NCOA7: variants seen among roughly 807,000 people sequenced by gnomAD.
The protein encoded by NCOA7 is nuclear receptor coactivator 7.
Under a neutral mutation model 104.3 loss-of-function variants are expected in NCOA7, and 45 were observed. The observed-to-expected ratio is 0.43, with a 90% confidence interval of 0.34 to 0.55. The LOEUF is 0.55. NCOA7 is among the 20% of genes least tolerant of loss of function. The pLI is 0.02. For missense variants in NCOA7, 1,041 were observed against 1,119.7 expected, an observed-to-expected ratio of 0.93 and a Z score of 1.00; for synonymous variants, 398 against 402.3, an observed-to-expected ratio of 0.99 and a Z score of 0.13.
At chr6:125,909,762 A>T (rs957579084) in intron 10 of NCOA7, among the ~76,000 whole-genome samples, 1 of 152,042 alleles carries the variant, frequency 6.6e-6, no homozygotes, top group African/African-American at 2.4e-5. Flanking sequence ...GTGAGCCGAG[A>T]TCGCACCACT....
At chr6:125,919,136 C>G in intron 11 of NCOA7, 1 of 1,059,392 alleles carries the variant, frequency 9.4e-7, no homozygotes, top group Admixed American at 2.7e-5. Context: ...CACAGCGATG[C>G]CTGGCAGGAA....
At chr6:125,789,174 A>T (rs1774620278), upstream of NCOA7, among the ~76,000 whole-genome samples, 1 of 152,186 alleles carries the variant, frequency 6.6e-6, no homozygotes, top group Non-Finnish European at 1.5e-5. Context: ...TAAGTTTGGG[A>T]AAATATCATA....
At chr6:125,866,470 A>G (rs1229709529) in intron 3 of NCOA7, among the ~76,000 whole-genome samples, 1 of 152,208 alleles carries the variant, frequency 6.6e-6, no homozygotes, top group Admixed American at 6.5e-5. Flanking sequence ...TATAATCCTT[A>G]AAGTCCCTTG....
Position 125,928,815 on chromosome 6 carries a change from G to A in NCOA7, c.*44G>A, listed in dbSNP as rs371002998. 4.3e-4 allele frequency: 688 copies of A among 1,588,626 alleles called. 3 individuals carry two copies. In the African/African-American group the frequency reaches 4.5e-3, roughly 10 times the overall value. On this transcript the variant is annotated 3_prime_UTR_variant, in exon 16 of 16. Transcript: ENST00000392477. ...ATATAACATTAAAAAGACTGGGTTC[G>A]ATCAGCCCTCCTAAAGCTGGCTGGA...
At chr6:125,899,988 C>G (rs749882425) in intron 10 of NCOA7, 3 of 533,016 alleles carry the variant, frequency 5.6e-6, no homozygotes, top group South Asian at 4.2e-5. Flanking sequence ...GCAGACTAAT[C>G]CCTGCCAATG....
chr6:125,912,743 C>A (rs563958441), intron 10 of NCOA7, among the ~76,000 whole-genome samples: 1 of 152,298 alleles, frequency 6.6e-6, no homozygotes, highest in African/African-American at 2.4e-5. Context: ...TAGACACATT[C>A]CAAAGGACTA....
At chr6:125,915,181 G>A (rs1786947116) in intron 10 of NCOA7, 152 bp from the exon 11 acceptor site, 4 of 840,188 alleles carry the variant, frequency 4.8e-6, no homozygotes, top group Non-Finnish European at 7.2e-6. Context: ...TTTGAGTATG[G>A]AAGTAGAGAT....
rs184025986 is a variant in NCOA7, at chr6:125,885,040, A to G, written c.700-119A>G. The stretch of plus-strand genomic sequence containing the variant: ...CTCACAAAGGGGATGTAATTGTCAC[A>G]TAGGATACTGTGGTTCACAAAGTCC... On this transcript the variant is annotated intron_variant, in intron 7 of 15. Coordinates refer to ENST00000392477, the MANE Select transcript of NCOA7 (RefSeq NM_181782.5). The G allele has an allele frequency of 8.8e-5, 85 of 960,812 alleles. No homozygotes were observed. The African/African-American group carries it at 1.2e-3, about 14-fold the overall frequency. The allele number at this position is 960,812 out of a possible 1,614,324, so 59.5% of individuals were successfully genotyped here.
chr6:125,911,306 A>G (rs1490421873), intron 10 of NCOA7, among the ~76,000 whole-genome samples: 1 of 152,262 alleles, frequency 6.6e-6, no homozygotes, highest in African/African-American at 2.4e-5. Flanking sequence ...AAAGGACATT[A>G]TGCAAGCCCT....
intron 13 of NCOA7, among the ~76,000 whole-genome samples, chr6:125,923,907 G>C (rs1337015360): frequency 6.6e-6 from 1 of 152,180 alleles, no homozygotes; most frequent in Non-Finnish European, 1.5e-5. Context: ...CAAAGACACT[G>C]TCTTTCTTAG....
intron 2 of NCOA7, among the ~76,000 whole-genome samples, chr6:125,838,041 A>G (rs907194567): frequency 6.6e-6 from 1 of 152,200 alleles, no homozygotes; most frequent in African/African-American, 2.4e-5. Context: ...TCTAGGGGCT[A>G]AGGAAAAACT....
intron 1 of NCOA7, among the ~76,000 whole-genome samples, chr6:125,812,501 C>G (rs1232138137): frequency 6.6e-6 from 1 of 152,210 alleles, no homozygotes; most frequent in Non-Finnish European, 1.5e-5. Flanking sequence ...ACTGTGTACT[C>G]CCATGTTTCT....
Position 125,878,320 on chromosome 6 carries a change from A to C in NCOA7, c.409A>C (p.Lys137Gln). ...ACTGAAATTTAACATCACTCCCAAT[A>C]AATTGGTGGAACTGAATAAACTTTT... The part of the protein sequence containing the change: ...IALKFNITPN[K>Q]LVELNKLFTH... The change falls in exon 5 of 16, where the codon AAA becomes CAA. Residue 137 changes from lysine to glutamine, a missense_variant. Transcript: ENST00000392477. The C allele has an allele frequency of 1.2e-6, 2 of 1,612,802 alleles. No individual in the cohort carries two copies. The highest frequency in any genetic ancestry group is 2.2e-5 in the South Asian group (2 of 90,848).
intron 3 of NCOA7, chr6:125,855,644 T>C (rs985013885): frequency 6.5e-6 from 1 of 152,940 alleles, no homozygotes; most frequent in African/African-American, 2.4e-5. Context: ...TGTTTTTGTT[T>C]TGTTAAAAAA....
chr6:125,811,689 C>T (rs1413198384), intron 1 of NCOA7, among the ~76,000 whole-genome samples: 1 of 152,008 alleles, frequency 6.6e-6, no homozygotes, highest in Non-Finnish European at 1.5e-5. Context: ...ACTCAGCCGC[C>T]ATCTTTCCTT....
chr6:125,817,329 A>G (rs752200324), intron 2 of NCOA7, among the ~76,000 whole-genome samples: 4 of 152,198 alleles, frequency 2.6e-5, no homozygotes, highest in Non-Finnish European at 5.9e-5. Context: ...TTTTAGTTTT[A>G]TAAAAAAGTG....
rs796768835 is a variant in NCOA7 at position 125,795,619 on chromosome 6, A to G, written c.-65+4552A>G. 9.2e-5 allele frequency among the ~76,000 whole-genome samples: 14 copies of G among 152,180 alleles called. No homozygotes were observed. The South Asian group carries it at 2.3e-3, about 25-fold the overall frequency. The stretch of plus-strand genomic sequence containing the variant: ...TTAGATGCCTTGGAGTGTTGTCTGC[A>G]TTCTGCCTTGCTCTGCATTTCAAGC... On this transcript the variant is annotated intron_variant, in intron 1 of 15. Coordinates refer to ENST00000392477, the MANE Select transcript of NCOA7 (RefSeq NM_181782.5).
chr6:125,927,847 T>A, intron 14 of NCOA7, 89 bp downstream of exon 14: 1 of 1,087,336 alleles, frequency 9.2e-7, no homozygotes, highest in Non-Finnish European at 1.4e-6. Flanking sequence ...CTAGCTGTCC[T>A]GTAACTTCTC....
At chr6:125,830,735 A>ATGTGTGTGTG (rs779830277) in intron 2 of NCOA7, among the ~76,000 whole-genome samples, 2,956 of 133,208 alleles carry the variant, frequency 0.022, 28 homozygotes, top group South Asian at 0.043. Flanking sequence ...ATATATATAT[A>ATGTGTGTGTG]TATGTGTGTG....
Sources: gnomAD v4.1 joint callset for allele counts (sites outside exome capture counted in the v4.1 genomes callset) on GRCh38, gnomAD v4.1.1 for gene constraint, MANE v1.5 for transcripts, NCBI Gene and HGNC (gene_info 2026-07-23, HGNC 2026-07-21) for gene names.